Variants in MDGA1 observed in about 807,000 individuals in gnomAD.
MDGA1 encodes MAM domain containing glycosylphosphatidylinositol anchor 1.
In MDGA1, 54 loss-of-function variants were observed where a neutral mutation model predicts 101.5. The ratio of observed to expected loss-of-function variants is 0.53; its 90% CI spans 0.43 to 0.67. The LOEUF is 0.67. MDGA1 is among the 30% of genes least tolerant of loss of function. The pLI, the probability that MDGA1 is intolerant of heterozygous loss-of-function variation, is 0.00. For missense variants in MDGA1, 1,083 were observed against 1,323.8 expected (o/e 0.82, Z 2.82); for synonymous variants, 533 against 558.3 (o/e 0.95, Z 0.64).
Position 37,654,819 on chromosome 6 carries a change from G to A in MDGA1, c.693C>T (p.Phe231=), listed in dbSNP as rs377376216. The change falls in exon 5 of 17, where the codon TTC becomes TTT. Residue 231 remains phenylalanine, a synonymous_variant. Transcript: ENST00000434837. ...CTGTACCCGTGGTGTTGGTGAGCCG[G>A]AAGGTGATGGCCTTGTCTGGGATGC... ...VCGIPDKAIT[F]RLTNTTAPPA... 1 of 1,613,844 alleles carries A rather than the reference G, an allele frequency of 6.2e-7. No individual in the cohort carries two copies. Among genetic ancestry groups the A allele is most frequent in the Non-Finnish European group, 8.5e-7 (1 of 1,179,840 alleles).
chr6:37,660,813 GT>G (rs1208435965), intron 2 of MDGA1, among the ~76,000 whole-genome samples: 1 of 152,094 alleles, frequency 6.6e-6, no homozygotes, highest in Non-Finnish European at 1.5e-5. Flanking sequence ...TACTCCACAG[GT>G]TTGTACTCAG....
At chr6:37,694,665 ATCC>A (rs10555837) in intron 1 of MDGA1, among the ~76,000 whole-genome samples, 87,748 of 151,064 alleles carry the variant, frequency 0.58, 26,185 homozygotes, top group African/African-American at 0.72. Flanking sequence ...ACCTCCTGTC[ATCC>A]TCCTCCTCCT....
chr6:37,653,676 T>C (rs1761418742), intron 6 of MDGA1, among the ~76,000 whole-genome samples: 1 of 152,184 alleles, frequency 6.6e-6, no homozygotes, highest in Non-Finnish European at 1.5e-5. Flanking sequence ...ATTCAGAGTG[T>C]CAAAATCAAG....
At chr6:37,662,037 C>A (rs1157313605) in intron 2 of MDGA1, among the ~76,000 whole-genome samples, 3 of 151,604 alleles carry the variant, frequency 2.0e-5, no homozygotes, top group African/African-American at 7.3e-5. Flanking sequence ...GAGGCGCATG[C>A]CTGTAGTCCC....
chr6:37,695,590 G>A (rs1186699869), intron 1 of MDGA1, among the ~76,000 whole-genome samples: 1 of 152,214 alleles, frequency 6.6e-6, no homozygotes, highest in Non-Finnish European at 1.5e-5. Context: ...ACAGGCAGAT[G>A]GGTCAGCACC....
chr6:37,647,741 T>A (rs572672352), intron 9 of MDGA1, among the ~76,000 whole-genome samples: 2 of 107,884 alleles, frequency 1.9e-5, no homozygotes, highest in African/African-American at 7.3e-5. Context: ...GAGAGAGGAG[T>A]GGGGAGACAG....
In MDGA1 at chr6:37,637,466, C is replaced by A. The variant is rs558499682; in HGVS notation, c.2777-7G>T. 1.2e-6 allele frequency: 2 copies of A among 1,611,728 alleles called. No individual in the cohort carries two copies. Among genetic ancestry groups the A allele is most frequent in the East Asian group, 2.2e-5 (1 of 44,828 alleles). ...CTGCCCGGCATCACCACCACTGCAA[C>A]AGGGGAGAAAGAGGAGACAGGCCAG... On this transcript the variant is annotated splice_polypyrimidine_tract_variant and splice_region_variant and intron_variant, in intron 16 of 16. Coordinates refer to ENST00000434837, the MANE Select transcript of MDGA1 (RefSeq NM_153487.4).
At chr6:37,651,841 A>G (rs764787639) in intron 7 of MDGA1, among the ~76,000 whole-genome samples, 170 bp downstream of exon 7, 1 of 152,208 alleles carries the variant, frequency 6.6e-6, no homozygotes, top group African/African-American at 2.4e-5. Context: ...CCCAGGACCT[A>G]GCACAGTGCC....
chr6:37,646,358 C>A lies in MDGA1; in HGVS notation c.2064G>T (p.Ala688=), dbSNP rs150485177. 3 of 1,540,110 alleles carry A rather than the reference C, an allele frequency of 1.9e-6. No individual in the cohort carries two copies. The highest frequency in any genetic ancestry group is 2.5e-5 in the South Asian group (2 of 79,302). ...LSIRQLNQHN[A]VVKAIPVRRV... ...GCCGGACCGGGATGGCCTTGACCAC[C>A]GCATTGTGCTGGTTCAACTGTTAAG... Residue 688 remains alanine, a synonymous_variant, in exon 11 of 17, where the codon GCG becomes GCT. Coordinates refer to ENST00000434837, the MANE Select transcript of MDGA1 (RefSeq NM_153487.4).
At chr6:37,669,816 G>GC (rs1331136187) in intron 1 of MDGA1, among the ~76,000 whole-genome samples, 2 of 152,232 alleles carry the variant, frequency 1.3e-5, no homozygotes, top group Admixed American at 6.5e-5. Context: ...ACTGTGCTGG[G>GC]CACTGGAGAT....
Position 37,649,036 on chromosome 6 carries a change from C to A in MDGA1, c.1840G>T (p.Glu614Ter). 1 of 1,546,922 alleles carries A rather than the reference C, an allele frequency of 6.5e-7. No individual in the cohort carries two copies. The highest frequency in any genetic ancestry group is 8.7e-7 in the Non-Finnish European group (1 of 1,146,416). Residue 614 changes from glutamate (E) to a stop codon, truncating the protein, a stop_gained, in exon 9 of 17, where the codon GAG (glutamate) becomes TAG (stop). Coordinates refer to ENST00000434837, the MANE Select transcript of MDGA1 (RefSeq NM_153487.4). LOFTEE classifies it high-confidence loss of function. ...AVTRDSSGSYECSVSNDVGSA... is the reference protein window; with the variant it reads ...AVTRDSSGSY ...CCCACATCGTTGGAGACGCTGCACT[C>A]GTAGCTGCCGCTGCTGTCGCGAGTT...
In MDGA1 at chr6:37,655,978, G is replaced by T; in HGVS notation, c.383-82C>A. ...TCAGGCTCCTGGCAGCCCTTAGGAAGAGCTGAGCCACCCTCAACAGACATT... is the reference window on the plus strand; with the variant it reads ...TCAGGCTCCTGGCAGCCCTTAGGAATAGCTGAGCCACCCTCAACAGACATT... On this transcript the variant is annotated intron_variant, in intron 3 of 16. Coordinates refer to ENST00000434837, the MANE Select transcript of MDGA1 (RefSeq NM_153487.4). This position sits in a 1 kb window ranked among gnomAD's most constrained non-coding sequence, Gnocchi z 5.1. 1.6e-5 allele frequency: 19 copies of T among 1,207,832 alleles called. No homozygotes were observed. Among genetic ancestry groups the T allele is most frequent in the Non-Finnish European group, 2.2e-5 (19 of 873,178 alleles). The allele number at this position is 1,207,832 out of a possible 1,614,324, so 74.8% of individuals were successfully genotyped here.
chr6:37,646,034 G>C (rs745553436), intron 11 of MDGA1, 78 bp from the exon 12 acceptor site: 1 of 1,603,798 alleles, frequency 6.2e-7, no homozygotes, highest in Non-Finnish European at 8.5e-7. Context: ...GGGACCAGAG[G>C]ACAGGGTCCT....
chr6:37,649,122 G>A lies in MDGA1; in HGVS notation c.1754C>T (p.Pro585Leu), dbSNP rs760050908. Reference sequence around the variant, plus strand: ...CTCGGCGGCGGCGGGAACAACAGGCGGCGGCGGCAGCAGCTGCCCTTTGAA... The same window carrying A: ...CTCGGCGGCGGCGGGAACAACAGGCAGCGGCGGCAGCAGCTGCCCTTTGAA... ...WRFKGQLLPP[P>L]PVVPAAAEAP... The change falls in exon 9 of 17, where the codon CCG becomes CTG. Residue 585 changes from proline to leucine, a missense_variant. Physicochemically the swap from Pro to Leu is moderately conservative, Grantham distance 98. Around this residue, in one of 3 missense-constraint regions of MDGA1, gnomAD observed 657 missense variants for 771.4 expected, o/e 0.85. Coordinates refer to ENST00000434837, the MANE Select transcript of MDGA1 (RefSeq NM_153487.4). 13 of 1,516,144 alleles carry A rather than the reference G, an allele frequency of 8.6e-6. No individual in the cohort carries two copies. Among genetic ancestry groups the A allele is most frequent in the Middle Eastern group, 1.8e-4 (1 of 5,536 alleles). 93.9% of individuals were successfully genotyped at this position (1,516,144 alleles called of 1,614,324 possible).
At chr6:37,661,787 T>C (rs1349721894) in intron 2 of MDGA1, among the ~76,000 whole-genome samples, 1 of 152,032 alleles carries the variant, frequency 6.6e-6, no homozygotes, top group Non-Finnish European at 1.5e-5. Flanking sequence ...GGGGAGCCAT[T>C]GAACATCTCT....
rs1561869298 is a variant in MDGA1 at position 37,697,081 on chromosome 6, G to T, written c.-270C>A. On this transcript the variant is annotated 5_prime_UTR_variant, in exon 1 of 17. Coordinates refer to ENST00000434837, the MANE Select transcript of MDGA1 (RefSeq NM_153487.4). ...CGCCCGGCACAGCAGCCAGCGCCCC[G>T]ACCCGAGGAGCCCGGCCGCCGAGCC... 4 of 340,292 alleles carry T rather than the reference G, an allele frequency of 1.2e-5. No individual in the cohort carries two copies. The highest frequency in any genetic ancestry group is 2.1e-5 in the Non-Finnish European group (4 of 189,678). The allele number at this position is 340,292 out of a possible 1,614,324, so 21.1% of individuals were successfully genotyped here. A position where few individuals can be genotyped will look rare whatever the true frequency, so the allele number is the denominator to read the frequency against.
At chr6:37,674,578 G>T (rs1761938982) in intron 1 of MDGA1, among the ~76,000 whole-genome samples, 1 of 152,214 alleles carries the variant, frequency 6.6e-6, no homozygotes, top group Non-Finnish European at 1.5e-5. Context: ...TATTGAAAGT[G>T]GCAGGTGATG....
At chr6:37,660,805 C>G (rs1258179072) in intron 2 of MDGA1, among the ~76,000 whole-genome samples, 1 of 152,182 alleles carries the variant, frequency 6.6e-6, no homozygotes, top group African/African-American at 2.4e-5. Flanking sequence ...TAAAATTTTA[C>G]TCCACAGGTT....
At chr6:37,647,046 T>C (rs1050928376) in intron 10 of MDGA1, 127 bp downstream of exon 10, 25 of 812,072 alleles carry the variant, frequency 3.1e-5, no homozygotes, top group Admixed American at 2.1e-4. Flanking sequence ...CCCTGAAGAA[T>C]TGCCTCTAAA....
Sources: allele counts gnomAD v4.1 joint callset (sites outside exome capture counted in the v4.1 genomes callset), GRCh38; gene constraint gnomAD v4.1.1; regional missense constraint gnomAD v4.1.1; non-coding constraint Gnocchi (gnomAD v3.1); transcripts MANE v1.5; gene names NCBI Gene and HGNC (gene_info 2026-07-23, HGNC 2026-07-21).